Variants in ST3GAL3 observed in about 807,000 individuals in gnomAD.
The protein encoded by ST3GAL3 is ST3 beta-galactoside alpha-2,3-sialyltransferase 3.
Under a neutral mutation model 50.1 loss-of-function variants are expected in ST3GAL3, and 21 were observed. That is an observed-to-expected ratio of 0.42 (90% CI 0.30 to 0.60). ST3GAL3 has a LOEUF of 0.60. Among genes scored for constraint, ST3GAL3 ranks in the 20% least tolerant of loss-of-function variants. The pLI is 0.19. For synonymous variants in ST3GAL3, 183 were observed against 190.0 expected, an observed-to-expected ratio of 0.96 and a Z score of 0.30; for missense variants, 353 against 489.4, an observed-to-expected ratio of 0.72 and a Z score of 2.63.
chr1:43,900,521 C>G (rs1421781115), intron 9 of ST3GAL3, among the ~76,000 whole-genome samples: 1 of 151,830 alleles, frequency 6.6e-6, no homozygotes, highest in African/African-American at 2.4e-5. Flanking sequence ...TCCAGGCCCA[C>G]TCCCCCACAA....
Position 43,908,629 on chromosome 1 carries a change from C to CT in ST3GAL3, c.744+8918dup, listed in dbSNP as rs540408145. ...CAAGCCTTCCCTTCTCCTTGCCACT[C>CT]TTTTTTTTTTTTTTTTGAAATGGAG... On this transcript the variant is annotated intron_variant, in intron 9 of 11. Transcript: ENST00000347631. Among the ~76,000 whole-genome samples, 466 of 140,680 alleles carry CT rather than the reference C, an allele frequency of 3.3e-3. 1 individual carries two copies. The highest frequency in any genetic ancestry group is 0.012 in the East Asian group (57 of 4,830). The allele number at this position is 140,680 out of a possible 152,430, so 92.3% of individuals were successfully genotyped here. A position where few individuals can be genotyped will look rare whatever the true frequency, so the allele number is the denominator to read the frequency against.
At chr1:43,926,899 T>G (rs952205898) in intron 11 of ST3GAL3, among the ~76,000 whole-genome samples, 1 of 152,202 alleles carries the variant, frequency 6.6e-6, no homozygotes, top group Non-Finnish European at 1.5e-5. Context: ...GATAATATCA[T>G]GAACTCCCAC....
rs146876059 is a variant in ST3GAL3 at position 43,898,284 on chromosome 1, C to T, written c.447C>T (p.Thr149=). Residue 149 remains threonine, a synonymous_variant, in exon 7 of 12, where the codon ACC becomes ACT. Coordinates refer to ENST00000347631, the MANE Select transcript of ST3GAL3 (RefSeq NM_006279.5). The stretch of plus-strand genomic sequence containing the variant: ...CAGTCACCAAAGAGTACCGCCTGAC[C>T]CCTGCCTTGGACAGGTGAGCCACAC... ...ILSVTKEYRL[T]PALDSLRCRR... is the part of the protein sequence containing the mutation. The T allele has an allele frequency of 1.4e-5, 23 of 1,613,608 alleles. No individual in the cohort carries two copies. The highest frequency in any genetic ancestry group is 1.9e-5 in the Non-Finnish European group (22 of 1,180,034).
At chr1:43,898,731 G>A (rs1279245099) in intron 7 of ST3GAL3, among the ~76,000 whole-genome samples, 1 of 152,238 alleles carries the variant, frequency 6.6e-6, no homozygotes, top group East Asian at 1.9e-4. Context: ...AGTGGCTGCT[G>A]GGAGCCTTGA....
At chr1:43,789,290 A>G (rs1291221767) in intron 2 of ST3GAL3, among the ~76,000 whole-genome samples, 2 of 152,186 alleles carry the variant, frequency 1.3e-5, no homozygotes, top group African/African-American at 4.8e-5. Flanking sequence ...CCAGAAAAGC[A>G]AATCTATAGA....
At chr1:43,872,590 G>A (rs1056255378) in intron 5 of ST3GAL3, among the ~76,000 whole-genome samples, 11 of 152,036 alleles carry the variant, frequency 7.2e-5, no homozygotes, top group African/African-American at 2.7e-4. Context: ...AATAATCCAC[G>A]AGGTAGTAGG....
At chr1:43,708,941 C>T (rs1391468789) in intron 1 of ST3GAL3, among the ~76,000 whole-genome samples, 2 of 152,076 alleles carry the variant, frequency 1.3e-5, no homozygotes, top group Non-Finnish European at 2.9e-5. Flanking sequence ...TCTAATGGGC[C>T]TATAATATAC....
intron 2 of ST3GAL3, among the ~76,000 whole-genome samples, chr1:43,788,534 C>T (rs1312665736): frequency 1.3e-5 from 2 of 152,166 alleles, no homozygotes; most frequent in African/African-American, 2.4e-5. Flanking sequence ...ACCCCTGAAC[C>T]TTCACAGGAC....
At chr1:43,783,066 T>G (rs145873131) in intron 2 of ST3GAL3, among the ~76,000 whole-genome samples, 2 of 151,494 alleles carry the variant, frequency 1.3e-5, no homozygotes, top group Admixed American at 6.6e-5. Context: ...GGGGCTCAGA[T>G]AAATTTTGAA....
rs531948339 is a variant in ST3GAL3, at chr1:43,729,796, A to G, written c.-30-6437A>G. Among the ~76,000 whole-genome samples, 14 of 152,374 alleles carry G rather than the reference A, an allele frequency of 9.2e-5. No individual in the cohort carries two copies. In the East Asian group the frequency reaches 2.5e-3, roughly 27 times the overall value. The stretch of plus-strand genomic sequence containing the variant: ...TCTGTTACGTTACAAATAGTGCTAC[A>G]ATAAGTGGCCATTCACATAAGACTT... On this transcript the variant is annotated intron_variant, in intron 1 of 11. Transcript: ENST00000347631.
At chr1:43,816,997 C>A (rs567632482) in intron 4 of ST3GAL3, among the ~76,000 whole-genome samples, 29 of 152,272 alleles carry the variant, frequency 1.9e-4, no homozygotes, top group Non-Finnish European at 3.7e-4. Flanking sequence ...TTGGTGGGGG[C>A]AGTTCCTCAG....
chr1:43,753,737 C>T (rs4660744), intron 2 of ST3GAL3, among the ~76,000 whole-genome samples: 5 of 152,228 alleles, frequency 3.3e-5, no homozygotes, highest in Admixed American at 3.3e-4. Flanking sequence ...TAATGAGCTG[C>T]TCTTTCTGAA....
At chr1:43,876,232 G>T (rs1570449694) in intron 5 of ST3GAL3, among the ~76,000 whole-genome samples, 1 of 152,052 alleles carries the variant, frequency 6.6e-6, no homozygotes, top group Non-Finnish European at 1.5e-5. Context: ...CTAAAGTACT[G>T]GGATTACAGG....
intron 2 of ST3GAL3, among the ~76,000 whole-genome samples, chr1:43,769,376 A>G (rs943674311): frequency 3.9e-5 from 6 of 152,136 alleles, no homozygotes; most frequent in Admixed American, 2.6e-4. Context: ...CTTTTTTTCT[A>G]ATATTGAGCT....
At chr1:43,909,526 G>A (rs1233408742) in intron 9 of ST3GAL3, among the ~76,000 whole-genome samples, 3 of 152,162 alleles carry the variant, frequency 2.0e-5, no homozygotes, top group Non-Finnish European at 4.4e-5. Context: ...CTTTCAAAAA[G>A]TTTTCTGACC....
chr1:43,785,197 C>T (rs1329095636), intron 2 of ST3GAL3, among the ~76,000 whole-genome samples: 2 of 152,198 alleles, frequency 1.3e-5, no homozygotes, highest in Non-Finnish European at 2.9e-5. Flanking sequence ...ATTGAGGTAT[C>T]AGTTCTGTTA....
At chr1:43,850,906 T>G in intron 5 of ST3GAL3, 1 of 1,237,746 alleles carries the variant, frequency 8.1e-7, no homozygotes, top group South Asian at 1.2e-5. Flanking sequence ...AGAATCTCTT[T>G]GCCAGTCTTG....
At chr1:43,851,052 C>T in intron 5 of ST3GAL3, 2 of 849,456 alleles carry the variant, frequency 2.4e-6, no homozygotes, top group African/African-American at 3.3e-5. Context: ...TGATATGTGC[C>T]ATGTCCACCA....
intron 5 of ST3GAL3, among the ~76,000 whole-genome samples, chr1:43,846,304 G>A (rs1039596998): frequency 1.3e-5 from 2 of 152,060 alleles, no homozygotes; most frequent in Admixed American, 6.5e-5. Context: ...TAGGATTGTT[G>A]TATCCCATTT....
Sources: allele counts gnomAD v4.1 joint callset (sites outside exome capture counted in the v4.1 genomes callset), GRCh38; gene constraint gnomAD v4.1.1; transcripts MANE v1.5; gene names NCBI Gene and HGNC (gene_info 2026-07-23, HGNC 2026-07-21).